The following SEMA3E variants were observed in gnomAD, a reference collection of about 807,000 sequenced individuals.
SEMA3E encodes semaphorin-3E.
A neutral mutation model predicts 93.6 loss-of-function variants in SEMA3E; 49 were observed. The ratio of observed to expected loss-of-function variants is 0.52; its 90% CI spans 0.42 to 0.66. The LOEUF (loss-of-function observed/expected upper bound fraction) is 0.66. Among genes scored for constraint, SEMA3E ranks in the 30% least tolerant of loss-of-function variants. The pLI is 0.00. For synonymous variants in SEMA3E, 363 were observed against 330.7 expected (o/e 1.10, Z -1.06); for missense variants, 906 against 964.8 (o/e 0.94, Z 0.81).
chr7:83,641,298 T>G (rs767135874), intron 1 of SEMA3E: 135 of 685,116 alleles, frequency 2.0e-4, no homozygotes, highest in Non-Finnish European at 2.4e-4. Context: ...GCCTACTAAG[T>G]GTCAGGAACT....
chr7:83,570,552 CAAA>C (rs59715914), intron 1 of SEMA3E, among the ~76,000 whole-genome samples: 9 of 33,086 alleles, frequency 2.7e-4, no homozygotes, highest in African/African-American at 9.2e-4. Context: ...GACTCCGTCT[CAAA>C]AAAAAAAAAA....
chr7:83,386,742 G>A lies in SEMA3E; in HGVS notation c.1735+241C>T, dbSNP rs564301438. On this transcript the variant is annotated intron_variant, in intron 15 of 16. Coordinates refer to ENST00000643230, the MANE Select transcript of SEMA3E (RefSeq NM_012431.3). ...AGCATTCTTGTTCTAGGGTTTCTTT[G>A]TTTTAATAATTAGTTTAATAATAAA... is the stretch of plus-strand genomic sequence containing the variant. 1.9e-3 allele frequency among the ~76,000 whole-genome samples: 284 copies of A among 152,152 alleles called. 1 individual carries two copies. The highest frequency in any genetic ancestry group is 3.2e-3 in the Non-Finnish European group (216 of 67,982).
intron 1 of SEMA3E, among the ~76,000 whole-genome samples, chr7:83,589,937 C>T (rs1317037179): frequency 6.6e-6 from 1 of 152,056 alleles, no homozygotes; most frequent in African/African-American, 2.4e-5. Flanking sequence ...ATACCCTGTC[C>T]AGGGATAGAC....
chr7:83,423,340 A>C (rs925242251), intron 4 of SEMA3E, among the ~76,000 whole-genome samples: 3 of 152,102 alleles, frequency 2.0e-5, no homozygotes, highest in African/African-American at 7.2e-5. Context: ...ACTCAGATGT[A>C]CCTTGACTAA....
At position 83,386,994 on chromosome 7, in the gene SEMA3E, T is replaced by C; in HGVS notation, c.1724A>G (p.Gln575Arg). The C allele has an allele frequency of 6.2e-7, 1 of 1,613,332 alleles. No individual in the cohort carries two copies. Among genetic ancestry groups the C allele is most frequent in the Non-Finnish European group, 8.5e-7 (1 of 1,179,606 alleles). Residue 575 changes from glutamine to arginine, a missense_variant, in exon 15 of 17, where the codon CAA becomes CGA. Coordinates refer to ENST00000643230, the MANE Select transcript of SEMA3E (RefSeq NM_012431.3). Reference protein sequence around the residue: ...HGNAAQQCFGQQFVGDALDKT... With the variant: ...HGNAAQQCFGRQFVGDALDKT... ...TTTCTATGGATTACCAACAAACTGT[T>C]GTCCAAAGCACTGCTGAGCTGCATT... is the stretch of plus-strand genomic sequence containing the variant.
intron 15 of SEMA3E, among the ~76,000 whole-genome samples, chr7:83,385,898 G>A (rs1238712651): frequency 1.3e-5 from 2 of 152,150 alleles, no homozygotes; most frequent in African/African-American, 4.8e-5. Flanking sequence ...TTGGGCTGCT[G>A]TAGTGAGAAG....
At chr7:83,490,518 T>C (rs1790361453) in intron 1 of SEMA3E, among the ~76,000 whole-genome samples, 1 of 151,926 alleles carries the variant, frequency 6.6e-6, no homozygotes, top group Non-Finnish European at 1.5e-5. Context: ...CACAGAAAAA[T>C]AGTCATCCTT....
chr7:83,434,426 TCAAAG>T (rs1378520742), intron 4 of SEMA3E, among the ~76,000 whole-genome samples: 6 of 152,206 alleles, frequency 3.9e-5, no homozygotes, highest in African/African-American at 2.4e-5. Context: ...GTATGCAATC[TCAAAG>T]CAAACTTTAT....
At chr7:83,448,701 T>A (rs1349693831) in intron 4 of SEMA3E, among the ~76,000 whole-genome samples, 1 of 152,228 alleles carries the variant, frequency 6.6e-6, no homozygotes, top group East Asian at 1.9e-4. Flanking sequence ...TCTGATAACA[T>A]TTCCAAACTA....
intron 1 of SEMA3E, among the ~76,000 whole-genome samples, chr7:83,494,832 A>G (rs182686740): frequency 6.6e-6 from 1 of 151,952 alleles, no homozygotes; most frequent in Admixed American, 6.6e-5. Flanking sequence ...TCCCAATTCA[A>G]ATTCTCAAGG....
intron 1 of SEMA3E, among the ~76,000 whole-genome samples, chr7:83,627,950 G>C (rs1793705515): frequency 6.6e-6 from 1 of 152,074 alleles, no homozygotes; most frequent in South Asian, 2.1e-4. Flanking sequence ...TGCAGTTGCT[G>C]GTAGTGGTTT....
chr7:83,446,435 A>T (rs1160158381), intron 4 of SEMA3E, among the ~76,000 whole-genome samples: 1 of 152,216 alleles, frequency 6.6e-6, no homozygotes, highest in African/African-American at 2.4e-5. Flanking sequence ...TACACAAAGA[A>T]CCAAGTAGTT....
At chr7:83,368,378 A>G (rs993674953) in intron 16 of SEMA3E, among the ~76,000 whole-genome samples, 3 of 152,196 alleles carry the variant, frequency 2.0e-5, no homozygotes, top group Non-Finnish European at 4.4e-5. Context: ...TATAGCAGTC[A>G]CAGTAAGAGT....
At chr7:83,529,823 G>A (rs115046350) in intron 1 of SEMA3E, among the ~76,000 whole-genome samples, 9 of 151,904 alleles carry the variant, frequency 5.9e-5, no homozygotes, top group African/African-American at 1.7e-4. Flanking sequence ...TTGGGCATTC[G>A]TATGCCCTTG....
chr7:83,547,423 C>T (rs1468693603), intron 1 of SEMA3E, among the ~76,000 whole-genome samples: 1 of 151,996 alleles, frequency 6.6e-6, no homozygotes, highest in Non-Finnish European at 1.5e-5. Flanking sequence ...AGAATTTTAA[C>T]ACGAAGCCCA....
chr7:83,644,965 G>A (rs1031827482), intron 1 of SEMA3E, among the ~76,000 whole-genome samples: 1 of 151,892 alleles, frequency 6.6e-6, no homozygotes, highest in African/African-American at 2.4e-5. Flanking sequence ...CTTGCTTATT[G>A]AGACTTCAAA....
chr7:83,400,449 T>A (rs767703552), intron 10 of SEMA3E, among the ~76,000 whole-genome samples, 199 bp from the exon 11 acceptor site: 1 of 152,138 alleles, frequency 6.6e-6, no homozygotes, highest in Non-Finnish European at 1.5e-5. Context: ...GTTTGTTATA[T>A]AGGTAAACTC....
chr7:83,622,462 C>T (rs1793583865), intron 1 of SEMA3E, among the ~76,000 whole-genome samples: 1 of 152,130 alleles, frequency 6.6e-6, no homozygotes, highest in African/African-American at 2.4e-5. Flanking sequence ...CCATTTGGCC[C>T]AGCAATTCCA....
At chr7:83,466,318 G>A (rs1244634295) in intron 4 of SEMA3E, among the ~76,000 whole-genome samples, 164 bp downstream of exon 4, 1 of 152,166 alleles carries the variant, frequency 6.6e-6, no homozygotes, top group East Asian at 1.9e-4. Flanking sequence ...TACTTGACAA[G>A]AATTTTAAAG....
Sources: gnomAD v4.1 joint callset for allele counts (sites outside exome capture counted in the v4.1 genomes callset) on GRCh38, gnomAD v4.1.1 for gene constraint, MANE v1.5 for transcripts, NCBI Gene and HGNC (gene_info 2026-07-23, HGNC 2026-07-21) for gene names.